ZNF540: variants seen among roughly 807,000 people sequenced by gnomAD.
ZNF540 encodes CTD-3064H18.6.
In ZNF540, 3 loss-of-function variants were observed where a neutral mutation model predicts 11.8. The observed-to-expected ratio is 0.25, with a 90% CI of 0.12 to 0.65. The LOEUF is 0.65. Among genes scored for constraint, ZNF540 ranks in the 30% least tolerant of loss-of-function variants. ZNF540 has a pLI of 0.83. For synonymous variants in ZNF540, 247 were observed against 259.0 expected, an observed-to-expected ratio of 0.95 and a Z score of 0.45; for missense variants, 709 against 793.1, an observed-to-expected ratio of 0.89 and a Z score of 1.27.
upstream of ZNF540, chr19:37,594,279 G>C (rs1170402383): frequency 6.6e-6 from 1 of 152,276 alleles, no homozygotes; most frequent in Non-Finnish European, 1.5e-5. Context: ...AATGATGTCC[G>C]TGTCACACGA....
At chr19:37,586,054 C>T (rs117086839) in intron 1 of ZNF540, 1 of 152,196 alleles carries the variant, frequency 6.6e-6, no homozygotes, top group Admixed American at 6.5e-5. Flanking sequence ...ATGATATTAG[C>T]CCTTTCAGAC....
At chr19:37,553,345 C>G (rs1326588074) in intron 1 of ZNF540, among the ~76,000 whole-genome samples, 1 of 149,662 alleles carries the variant, frequency 6.7e-6, no homozygotes, top group Non-Finnish European at 1.5e-5. Flanking sequence ...GTTGGCCAGG[C>G]TGGTCTCAAA....
intron 1 of ZNF540, chr19:37,567,606 T>C (rs1292376627): frequency 6.6e-6 from 1 of 152,208 alleles, no homozygotes; most frequent in African/African-American, 2.4e-5. Flanking sequence ...GTCAAATTCT[T>C]TCCCATTTTA....
exon 1 of ZNF540, chr19:37,551,526 A>C: frequency 6.6e-6 from 1 of 152,390 alleles, no homozygotes; most frequent in East Asian, 1.9e-4. Flanking sequence ...CGGGCAGGGC[A>C]GAACCAGGCT....
At chr19:37,571,631 A>G (rs1313422581) in intron 1 of ZNF540, among the ~76,000 whole-genome samples, 1 of 152,234 alleles carries the variant, frequency 6.6e-6, no homozygotes, top group Non-Finnish European at 1.5e-5. Flanking sequence ...AGCAATACAC[A>G]TTCAGTATGC....
At position 37,611,858 on chromosome 19, in the gene ZNF540, G is replaced by C. The variant is rs371587847; in HGVS notation, c.578G>C (p.Gly193Ala). The change falls in exon 5 of 5, where the codon GGG becomes GCG. Residue 193 changes from glycine (G) to alanine (A), a missense_variant. Gly to Ala is a moderately conservative substitution (Grantham distance 60). Coordinates refer to ENST00000316433, the MANE Select transcript of ZNF540 (RefSeq NM_001172225.3). The part of the protein sequence containing the change: ...SDVKHDCKEC[G>A]STFNNVYQLT... ...GTGAAACATGATTGTAAAGAATGTG[G>C]GAGTACTTTTAATAATGTCTATCAG... 97 of 1,613,764 alleles carry C rather than the reference G, an allele frequency of 6.0e-5. No individual in the cohort carries two copies. Among genetic ancestry groups the C allele is most frequent in the Non-Finnish European group, 7.9e-5 (93 of 1,179,944 alleles).
chr19:37,565,000 A>T, intron 1 of ZNF540: 1 of 1,613,864 alleles, frequency 6.2e-7, no homozygotes, highest in Non-Finnish European at 8.5e-7. Context: ...CACATTCCTT[A>T]CATTCATAAT....
rs377372420 is a variant in ZNF540 at position 37,553,344 on chromosome 19, GC to G, written c.-73+1680del. 5.9e-3 allele frequency among the ~76,000 whole-genome samples: 896 copies of G among 151,420 alleles called. 10 individuals are homozygous for G. Among genetic ancestry groups the G allele is most frequent in the African/African-American group, 0.02 (846 of 41,294 alleles). On this transcript the variant is annotated intron_variant, in intron 1 of 4. Coordinates refer to the ZNF540 transcript ENST00000592533. Reference sequence around the variant, plus strand: ...GATGGGGTTTCACCATGTTGGCCAGGCTGGTCTCAAACTCCTGACTTCAGGT... The same window carrying G: ...GATGGGGTTTCACCATGTTGGCCAGGTGGTCTCAAACTCCTGACTTCAGGT...
intron 1 of ZNF540, among the ~76,000 whole-genome samples, chr19:37,559,648 C>T (rs2042696703): frequency 6.6e-6 from 1 of 152,120 alleles, no homozygotes; most frequent in South Asian, 2.1e-4. Context: ...GTTCAAGATA[C>T]ATACTGAAAA....
In ZNF540 at chr19:37,599,619, G is replaced by A; in HGVS notation, c.10-7G>A. On this transcript the variant is annotated splice_polypyrimidine_tract_variant and splice_region_variant and intron_variant, in intron 2 of 4. Coordinates refer to ENST00000316433, the MANE Select transcript of ZNF540 (RefSeq NM_001172225.3). ...TTCACCAGTAATATGTTGGTTTATGGTTTCAGGCATTGGTGACGTTCAGGG... is the reference window on the plus strand; with the variant it reads ...TTCACCAGTAATATGTTGGTTTATGATTTCAGGCATTGGTGACGTTCAGGG... The A allele has an allele frequency of 6.2e-7, 1 of 1,613,908 alleles. No individual in the cohort carries two copies. The highest frequency in any genetic ancestry group is 8.5e-7 in the Non-Finnish European group (1 of 1,179,908).
At chr19:37,598,038 T>G (rs2044009777) in intron 1 of ZNF540, among the ~76,000 whole-genome samples, 1 of 152,240 alleles carries the variant, frequency 6.6e-6, no homozygotes, top group Non-Finnish European at 1.5e-5. Flanking sequence ...GTCTGTCCCC[T>G]TTGGATGGTG....
intron 1 of ZNF540, chr19:37,556,153 G>C: frequency 1.4e-6 from 1 of 702,210 alleles, no homozygotes; most frequent in Admixed American, 2.0e-5. Flanking sequence ...TCGCGGGTAC[G>C]GGCTGGCTCT....
intron 1 of ZNF540, chr19:37,597,514 C>A (rs549610961): frequency 3.3e-5 from 5 of 152,232 alleles, no homozygotes; most frequent in African/African-American, 1.2e-4. Flanking sequence ...CGCAGCCTCC[C>A]CCTCCCAGAT....
chr19:37,606,268 A>G (rs533577777), intron 4 of ZNF540, among the ~76,000 whole-genome samples: 70 of 152,184 alleles, frequency 4.6e-4, no homozygotes, highest in Non-Finnish European at 7.9e-4. Context: ...ATTCTCTTTT[A>G]TTGCTGAATA....
intron 4 of ZNF540, among the ~76,000 whole-genome samples, chr19:37,602,021 T>C (rs879230103): frequency 6.6e-5 from 10 of 152,158 alleles, no homozygotes; most frequent in Admixed American, 3.9e-4. Flanking sequence ...AGGGGCAAGA[T>C]TGGAAGTAGG....
intron 4 of ZNF540, among the ~76,000 whole-genome samples, chr19:37,606,015 C>T (rs1308368098): frequency 6.6e-6 from 1 of 152,196 alleles, no homozygotes; most frequent in East Asian, 1.9e-4. Context: ...GGAATCATGA[C>T]AATCCAGTTT....
chr19:37,580,690 G>A (rs1030481834), intron 1 of ZNF540, among the ~76,000 whole-genome samples: 1 of 152,050 alleles, frequency 6.6e-6, no homozygotes, highest in Non-Finnish European at 1.5e-5. Flanking sequence ...TCTCAAGGGA[G>A]CTGGTTTTTA....
At chr19:37,551,879 G>A (rs565808168) in intron 1 of ZNF540, among the ~76,000 whole-genome samples, 87 of 151,894 alleles carry the variant, frequency 5.7e-4, no homozygotes, top group Non-Finnish European at 1.1e-3. Flanking sequence ...GTGCGGTGGA[G>A]CGCCGTTTCT....
chr19:37,596,270 T>C (rs1441266597), intron 1 of ZNF540, among the ~76,000 whole-genome samples: 1 of 152,228 alleles, frequency 6.6e-6, no homozygotes, highest in Non-Finnish European at 1.5e-5. Flanking sequence ...CCTCATTTTA[T>C]TGTGCATCAT....
Sources: allele counts gnomAD v4.1 joint callset (sites outside exome capture counted in the v4.1 genomes callset), GRCh38; gene constraint gnomAD v4.1.1; transcripts MANE v1.5; gene names NCBI Gene and HGNC (gene_info 2026-07-23, HGNC 2026-07-21).